The following SPOP variants were observed in gnomAD, a reference collection of about 807,000 sequenced individuals.
The protein encoded by SPOP is speckle-type POZ protein.
Under a neutral mutation model 45.6 loss-of-function variants are expected in SPOP, and 11 were observed. The ratio of observed to expected loss-of-function variants is 0.24; its 90% CI spans 0.15 to 0.40. The LOEUF is 0.40. Ranked by LOEUF, SPOP falls within the 10% of genes least tolerant of loss-of-function variation. SPOP has a pLI of 1.00. For synonymous variants in SPOP, 166 were observed against 166.3 expected (o/e 1.00, Z 0.01); for missense variants, 152 against 465.6 (o/e 0.33, Z 6.20).
intron 1 of SPOP, among the ~76,000 whole-genome samples, chr17:49,635,459 T>C (rs2072523754): frequency 6.6e-6 from 1 of 152,148 alleles, no homozygotes; most frequent in Non-Finnish European, 1.5e-5. Flanking sequence ...AAAAATTTCA[T>C]ACTACAAAGT....
At chr17:49,624,455 C>G (rs1419299325) in intron 1 of SPOP, among the ~76,000 whole-genome samples, 4 of 151,924 alleles carry the variant, frequency 2.6e-5, no homozygotes, top group African/African-American at 9.7e-5. Context: ...TGCTGCATAC[C>G]TCAAATATAT....
At chr17:49,636,041 C>T (rs1424645704) in intron 1 of SPOP, among the ~76,000 whole-genome samples, 1 of 152,120 alleles carries the variant, frequency 6.6e-6, no homozygotes. Flanking sequence ...CTCTGTCACC[C>T]AGGCTGGAAT....
At chr17:49,659,394 C>G (rs139630156) in intron 1 of SPOP, among the ~76,000 whole-genome samples, 8 of 152,326 alleles carry the variant, frequency 5.3e-5, no homozygotes, top group Admixed American at 3.3e-4. Context: ...CCGACAGCTT[C>G]GTATCTGCTA....
At chr17:49,610,409 G>T (rs2071946996) in intron 6 of SPOP, among the ~76,000 whole-genome samples, 1 of 152,120 alleles carries the variant, frequency 6.6e-6, no homozygotes, top group Admixed American at 6.5e-5. Flanking sequence ...AGTAGACATG[G>T]GGTTTCACCA....
chr17:49,641,560 T>C (rs1358957352), intron 1 of SPOP, among the ~76,000 whole-genome samples: 1 of 145,058 alleles, frequency 6.9e-6, no homozygotes, highest in Non-Finnish European at 1.5e-5. Flanking sequence ...AGTAACTCTA[T>C]AGCACAAAAA....
Position 49,619,410 on chromosome 17 carries a change from A to G in SPOP, c.201-25T>C. ...CCTGTCCAAAACAGATAGAAAAAAA[A>G]AATGTCAAAAGCATCCATTTTGATA... On this transcript the variant is annotated intron_variant, in intron 3 of 9. Transcript: ENST00000504102. This position sits in a 1 kb window ranked among gnomAD's most constrained non-coding sequence, Gnocchi z 4.9. 8 of 1,584,184 alleles carry G rather than the reference A, an allele frequency of 5.0e-6. No homozygotes were observed. The highest frequency in any genetic ancestry group is 6.8e-6 in the Non-Finnish European group (8 of 1,169,376).
rs1420054557 is a variant in SPOP at position 49,598,942 on chromosome 17, A to C, written c.*1436T>G. The C allele has an allele frequency of 5.3e-6, 1 of 190,328 alleles. No homozygotes were observed. Among genetic ancestry groups the C allele is most frequent in the Non-Finnish European group, 1.1e-5 (1 of 90,378 alleles). 11.8% of individuals were successfully genotyped at this position (190,328 alleles called of 1,614,324 possible). ...ACATTTATGTCCCCTGGATCTTTTT[A>C]TATTTAGTTAGAAGAAGGGAGGTGG... On this transcript the variant is annotated 3_prime_UTR_variant, in exon 10 of 10. Transcript: ENST00000504102.
chr17:49,656,947 C>T (rs1364790535), intron 1 of SPOP, among the ~76,000 whole-genome samples: 2 of 151,858 alleles, frequency 1.3e-5, no homozygotes, highest in African/African-American at 4.8e-5. Flanking sequence ...TTTGGGAGGC[C>T]GAGGCAGGCA....
chr17:49,657,858 C>T (rs2072936043), intron 1 of SPOP, among the ~76,000 whole-genome samples: 1 of 151,968 alleles, frequency 6.6e-6, no homozygotes, highest in African/African-American at 2.4e-5. Context: ...CGTGTCACCA[C>T]ACCCAGCTAA....
At chr17:49,633,972 T>C (rs2072497979) in intron 1 of SPOP, among the ~76,000 whole-genome samples, 1 of 150,752 alleles carries the variant, frequency 6.6e-6, no homozygotes, top group Non-Finnish European at 1.5e-5. Context: ...CTGCTGTTGT[T>C]AATTACAGAA....
At position 49,608,865 on chromosome 17, in the gene SPOP, T is replaced by C. The variant is rs73331444; in HGVS notation, c.659-936A>G. ...ACAGAGAACTGGAAATTTTGGCCTA[T>C]AGTTTATGTCAGAAAGCACTAATTT... On this transcript the variant is annotated intron_variant, in intron 6 of 9. Coordinates refer to ENST00000504102, the MANE Select transcript of SPOP (RefSeq NM_001007228.2). Among the ~76,000 whole-genome samples, 1,349 of 152,218 alleles carry C rather than the reference T, an allele frequency of 8.9e-3. 20 individuals carry two copies. Among genetic ancestry groups the C allele is most frequent in the African/African-American group, 0.031 (1,271 of 41,524 alleles).
At chr17:49,663,543 AATT>A (rs1258002116) in intron 1 of SPOP, among the ~76,000 whole-genome samples, 1 of 152,222 alleles carries the variant, frequency 6.6e-6, no homozygotes, top group Non-Finnish European at 1.5e-5. Context: ...AAGCAATAAA[AATT>A]ATTAATTAAA....
intron 1 of SPOP, among the ~76,000 whole-genome samples, chr17:49,677,206 T>C (rs2073210742): frequency 6.6e-6 from 1 of 152,204 alleles, no homozygotes; most frequent in South Asian, 2.1e-4. Flanking sequence ...AGTGATGGGA[T>C]GGAGCACCCA....
chr17:49,624,331 G>GCGCGCGCACA (rs71352523), intron 1 of SPOP, among the ~76,000 whole-genome samples: 112 of 149,308 alleles, frequency 7.5e-4, no homozygotes, highest in African/African-American at 2.7e-3. Context: ...GCGCGCGCGC[G>GCGCGCGCACA]CACACACACA....
chr17:49,638,877 G>A (rs2072594045), intron 1 of SPOP, among the ~76,000 whole-genome samples: 1 of 152,224 alleles, frequency 6.6e-6, no homozygotes, highest in South Asian at 2.1e-4. Context: ...GCCAGGCGTG[G>A]TGACGGGCGT....
At chr17:49,622,939 T>A in intron 1 of SPOP, 63 bp from the exon 2 acceptor site, 1 of 750,574 alleles carries the variant, frequency 1.3e-6, no homozygotes, top group Non-Finnish European at 2.2e-6. Flanking sequence ...CTAACTATTG[T>A]TTGACCTGAT....
chr17:49,649,753 C>T (rs1203159326), intron 1 of SPOP, among the ~76,000 whole-genome samples: 1 of 151,182 alleles, frequency 6.6e-6, no homozygotes, highest in Non-Finnish European at 1.5e-5. Context: ...AGCGTGAACC[C>T]GGGAGGAGGA....
chr17:49,675,196 G>A (rs1443958540), intron 1 of SPOP, among the ~76,000 whole-genome samples: 1 of 152,134 alleles, frequency 6.6e-6, no homozygotes, highest in Non-Finnish European at 1.5e-5. Flanking sequence ...TACATACAAG[G>A]AATTAATTGT....
intron 1 of SPOP, among the ~76,000 whole-genome samples, chr17:49,639,532 T>C (rs778155706): frequency 1.1e-4 from 17 of 152,190 alleles, no homozygotes; most frequent in Admixed American, 2.6e-4. Context: ...TATAACAGAA[T>C]GCTATATGGC....
Sources: allele counts gnomAD v4.1 joint callset (sites outside exome capture counted in the v4.1 genomes callset), GRCh38; gene constraint gnomAD v4.1.1; non-coding constraint Gnocchi (gnomAD v3.1); transcripts MANE v1.5; gene names NCBI Gene and HGNC (gene_info 2026-07-23, HGNC 2026-07-21).